CNTN5: variants seen among roughly 807,000 people sequenced by gnomAD.
The protein encoded by CNTN5 is contactin 5, also known as contactin-5.
Under a neutral mutation model 129.1 loss-of-function variants are expected in CNTN5, and 77 were observed. That is an observed-to-expected ratio of 0.60 (90% CI 0.50 to 0.72). CNTN5 has a LOEUF of 0.72. Ranked by LOEUF, CNTN5 falls within the 30% of genes least tolerant of loss-of-function variation. The pLI, the probability that CNTN5 is intolerant of heterozygous loss-of-function variation, is 0.00. For synonymous variants in CNTN5, 509 were observed against 465.6 expected (o/e 1.09, Z -1.20); for missense variants, 1,478 against 1,328.8 (o/e 1.11, Z -1.75).
At chr11:99,665,038 T>C (rs578029256) in intron 3 of CNTN5, among the ~76,000 whole-genome samples, 1 of 152,326 alleles carries the variant, frequency 6.6e-6, no homozygotes, top group East Asian at 1.9e-4. Flanking sequence ...TAATTATGTT[T>C]AGAAAATAAA....
At chr11:99,355,051 T>A (rs573234598) in intron 2 of CNTN5, among the ~76,000 whole-genome samples, 1 of 152,302 alleles carries the variant, frequency 6.6e-6, no homozygotes, top group South Asian at 2.1e-4. Flanking sequence ...ACTGGTAATT[T>A]TGTGGCTTGC....
intron 21 of CNTN5, among the ~76,000 whole-genome samples, chr11:100,339,979 G>T (rs909671338): frequency 6.6e-6 from 1 of 152,150 alleles, no homozygotes; most frequent in Non-Finnish European, 1.5e-5. Context: ...CCATTCCAGA[G>T]TATCCAGTGT....
chr11:99,465,636 A>AT (rs11400212), intron 2 of CNTN5, among the ~76,000 whole-genome samples: 126,097 of 150,506 alleles, frequency 0.84, 53,084 homozygotes, highest in Middle Eastern at 0.89. Context: ...GAATAAATTA[A>AT]TTTTTTTTAG....
chr11:99,087,265 A>G (rs1325006374), intron 1 of CNTN5, among the ~76,000 whole-genome samples: 1 of 152,226 alleles, frequency 6.6e-6, no homozygotes, highest in Non-Finnish European at 1.5e-5. Context: ...CAGAAAATAA[A>G]TGGGAGTCAG....
At chr11:99,082,920 C>T (rs1048188261) in intron 1 of CNTN5, among the ~76,000 whole-genome samples, 6 of 151,918 alleles carry the variant, frequency 3.9e-5, no homozygotes, top group South Asian at 2.1e-4. Flanking sequence ...GAGGGAAATA[C>T]GCCAGAATCT....
At chr11:99,114,792 G>A (rs888184721) in intron 1 of CNTN5, among the ~76,000 whole-genome samples, 1 of 152,104 alleles carries the variant, frequency 6.6e-6, no homozygotes, top group African/African-American at 2.4e-5. Context: ...CTATATGAGA[G>A]GTTGTCATAA....
At chr11:99,115,014 T>C (rs556822258) in intron 1 of CNTN5, among the ~76,000 whole-genome samples, 2 of 152,284 alleles carry the variant, frequency 1.3e-5, no homozygotes, top group South Asian at 4.1e-4. Context: ...TTCCCCCTTC[T>C]TCCATGTGAG....
chr11:99,532,111 G>A (rs920860030), intron 2 of CNTN5, among the ~76,000 whole-genome samples: 2 of 151,968 alleles, frequency 1.3e-5, no homozygotes, highest in African/African-American at 4.8e-5. Context: ...CCAGAAGGGA[G>A]GCTATACCCT....
intron 1 of CNTN5, among the ~76,000 whole-genome samples, chr11:99,082,791 T>C (rs969621822): frequency 1.3e-5 from 2 of 152,194 alleles, no homozygotes; most frequent in African/African-American, 4.8e-5. Flanking sequence ...CATTAAAATG[T>C]TTCAGAAGAG....
At position 99,253,645 on chromosome 11, in the gene CNTN5, G is replaced by A. The variant is rs569004258; in HGVS notation, c.-209-71701G>A. On this transcript the variant is annotated intron_variant, in intron 1 of 24. Transcript: ENST00000524871. ...ATTGACTCTTCCCACCCCTGAATATGATCATTCTATTTCTTTATTTAGATT... is the reference window on the plus strand; with the variant it reads ...ATTGACTCTTCCCACCCCTGAATATAATCATTCTATTTCTTTATTTAGATT... Among the ~76,000 whole-genome samples the A allele has an allele frequency of 6.8e-4, 103 of 151,650 alleles. 1 individual carries two copies. Among genetic ancestry groups the A allele is most frequent in the African/African-American group, 2.4e-3 (100 of 41,414 alleles).
intron 4 of CNTN5, among the ~76,000 whole-genome samples, chr11:99,840,028 A>G (rs1370502790): frequency 6.6e-6 from 1 of 152,160 alleles, no homozygotes; most frequent in African/African-American, 2.4e-5. Context: ...ACACCAAGAC[A>G]TATCCCTCAA....
intron 3 of CNTN5, among the ~76,000 whole-genome samples, chr11:99,819,111 C>T (rs1444043457): frequency 6.6e-6 from 1 of 151,600 alleles, no homozygotes; most frequent in East Asian, 2.0e-4. Flanking sequence ...AAGGAAAGAA[C>T]TGATCTATGT....
intron 9 of CNTN5, among the ~76,000 whole-genome samples, chr11:100,041,888 A>C (rs1194040167): frequency 6.6e-6 from 1 of 152,234 alleles, no homozygotes; most frequent in Non-Finnish European, 1.5e-5. Flanking sequence ...CCTAAGCAGA[A>C]CTAATACCAG....
chr11:100,035,651 A>G (rs1941952052), intron 9 of CNTN5, among the ~76,000 whole-genome samples: 1 of 143,462 alleles, frequency 7.0e-6, no homozygotes, highest in Non-Finnish European at 1.5e-5. Flanking sequence ...TGACTTTTTA[A>G]TGATCGCCAT....
chr11:99,164,524 T>G (rs1027920284), intron 1 of CNTN5, among the ~76,000 whole-genome samples: 3 of 152,284 alleles, frequency 2.0e-5, no homozygotes, highest in South Asian at 2.1e-4. Context: ...AACTCCTTCA[T>G]GTATCATATA....
chr11:99,257,165 T>C (rs1862411684), intron 1 of CNTN5, among the ~76,000 whole-genome samples: 1 of 152,162 alleles, frequency 6.6e-6, no homozygotes, highest in South Asian at 2.1e-4. Context: ...AACAAATTTA[T>C]TTCCATTCTC....
intron 2 of CNTN5, among the ~76,000 whole-genome samples, chr11:99,349,285 A>G (rs530356666): frequency 3.9e-4 from 59 of 152,296 alleles, no homozygotes; most frequent in African/African-American, 1.4e-3. Flanking sequence ...AAATTTTTCA[A>G]TACTCCTCCA....
At chr11:99,834,190 A>C (rs1431455455) in intron 4 of CNTN5, among the ~76,000 whole-genome samples, 1 of 152,178 alleles carries the variant, frequency 6.6e-6, no homozygotes, top group Non-Finnish European at 1.5e-5. Context: ...TAGAATACCT[A>C]CTACCTAACA....
chr11:99,663,473 A>G (rs1286535171), intron 3 of CNTN5, among the ~76,000 whole-genome samples: 2 of 152,316 alleles, frequency 1.3e-5, no homozygotes, highest in South Asian at 2.1e-4. Flanking sequence ...GTCTCAAAAA[A>G]CAATGAAACA....
Sources: gnomAD v4.1 joint callset for allele counts (sites outside exome capture counted in the v4.1 genomes callset) on GRCh38, gnomAD v4.1.1 for gene constraint, MANE v1.5 for transcripts, NCBI Gene and HGNC (gene_info 2026-07-23, HGNC 2026-07-21) for gene names.